Variants in CMSS1 observed in about 807,000 individuals in gnomAD.
CMSS1 encodes the protein protein CMSS1.
Under a neutral mutation model 43.5 loss-of-function variants are expected in CMSS1, and 33 were observed. That is an observed-to-expected ratio of 0.76 (90% CI 0.57 to 1.01). CMSS1 has a LOEUF of 1.01. Among genes scored for constraint, CMSS1 ranks in the 50% least tolerant of loss-of-function variants. CMSS1 has a pLI of 0.00. For synonymous variants in CMSS1, 115 were observed against 117.2 expected (o/e 0.98, Z 0.12); for missense variants, 313 against 326.4 (o/e 0.96, Z 0.32).
chr3:99,930,832 T>C (rs374817609), intron 1 of CMSS1: 2 of 1,612,800 alleles, frequency 1.2e-6, no homozygotes, highest in African/African-American at 2.7e-5. Flanking sequence ...GGTCTTCTGC[T>C]TGGTGGCCAT....
chr3:99,950,855 A>AAGAG, intron 1 of CMSS1, among the ~76,000 whole-genome samples: 2 of 150,214 alleles, frequency 1.3e-5, no homozygotes, highest in Middle Eastern at 3.4e-3. Context: ...AGTAAAAATA[A>AAGAG]AGAGAGAGAG....
At chr3:99,960,229 G>C (rs1559704331) in intron 1 of CMSS1, among the ~76,000 whole-genome samples, 1 of 152,126 alleles carries the variant, frequency 6.6e-6, no homozygotes. Flanking sequence ...TGTTTTTCTA[G>C]TTAGAGTAGC....
At chr3:99,943,936 A>G (rs1707928349) in intron 1 of CMSS1, among the ~76,000 whole-genome samples, 1 of 152,168 alleles carries the variant, frequency 6.6e-6, no homozygotes, top group Admixed American at 6.5e-5. Flanking sequence ...TATTGGGAGG[A>G]TTAGAGATGA....
chr3:99,879,607 T>C (rs1233780795), intron 1 of CMSS1, among the ~76,000 whole-genome samples: 1 of 152,220 alleles, frequency 6.6e-6, no homozygotes, highest in Non-Finnish European at 1.5e-5. Context: ...CAGTAATTAA[T>C]AGGATGTTTC....
At chr3:100,156,608 TTTTG>T (rs1290583585) in intron 2 of CMSS1, among the ~76,000 whole-genome samples, 2 of 149,620 alleles carry the variant, frequency 1.3e-5, no homozygotes, top group Non-Finnish European at 3.0e-5. Context: ...CGCGCAGCCT[TTTTG>T]TTTGTTTTTG....
At chr3:99,951,237 T>C (rs1165195258) in intron 1 of CMSS1, among the ~76,000 whole-genome samples, 2 of 152,192 alleles carry the variant, frequency 1.3e-5, no homozygotes, top group Non-Finnish European at 1.5e-5. Context: ...CCTGACTTCA[T>C]AACCACATTA....
intron 1 of CMSS1, among the ~76,000 whole-genome samples, chr3:100,117,079 C>T (rs993216421): frequency 4.5e-4 from 68 of 152,056 alleles, no homozygotes; most frequent in Admixed American, 4.3e-3. Context: ...GGGAAGAGTT[C>T]AATTATTTAT....
At chr3:99,997,721 C>G (rs968387333) in intron 1 of CMSS1, among the ~76,000 whole-genome samples, 1 of 152,122 alleles carries the variant, frequency 6.6e-6, no homozygotes, top group South Asian at 2.1e-4. Context: ...TAGTTTAAAA[C>G]TTTGTACACA....
intron 1 of CMSS1, among the ~76,000 whole-genome samples, chr3:99,918,348 C>G (rs1054147556): frequency 6.6e-6 from 1 of 152,170 alleles, no homozygotes; most frequent in Admixed American, 6.5e-5. Context: ...AGCTGCAGAT[C>G]AGGTCTGCAG....
At chr3:100,067,819 G>A (rs1035450428) in intron 1 of CMSS1, among the ~76,000 whole-genome samples, 2 of 152,078 alleles carry the variant, frequency 1.3e-5, no homozygotes, top group Non-Finnish European at 2.9e-5. Flanking sequence ...TTTCAAAGAG[G>A]CTTTAATGGC....
intron 1 of CMSS1, among the ~76,000 whole-genome samples, chr3:99,907,106 A>T (rs181399886): frequency 4.6e-5 from 7 of 152,244 alleles, no homozygotes; most frequent in African/African-American, 1.7e-4. Flanking sequence ...CAACAAATAC[A>T]CAGAGTTGGT....
intron 1 of CMSS1, among the ~76,000 whole-genome samples, chr3:99,927,191 C>T (rs1707319444): frequency 6.6e-6 from 1 of 152,148 alleles, no homozygotes; most frequent in African/African-American, 2.4e-5. Context: ...AAAACTTTCC[C>T]TATACATGAG....
intron 1 of CMSS1, among the ~76,000 whole-genome samples, chr3:99,938,705 T>C (rs1707767074): frequency 6.6e-6 from 1 of 152,130 alleles, no homozygotes; most frequent in African/African-American, 2.4e-5. Flanking sequence ...TTATGGTAAA[T>C]GTGATTCATC....
At chr3:100,056,801 G>A (rs186996993) in intron 1 of CMSS1, among the ~76,000 whole-genome samples, 14 of 151,584 alleles carry the variant, frequency 9.2e-5, no homozygotes, top group African/African-American at 2.4e-4. Flanking sequence ...TCAGGAGATC[G>A]AGACCATCCT....
At chr3:100,158,615 C>G (rs543112204) in intron 2 of CMSS1, among the ~76,000 whole-genome samples, 82 of 152,316 alleles carry the variant, frequency 5.4e-4, no homozygotes, top group African/African-American at 1.4e-3. Flanking sequence ...TCTCCAAAAC[C>G]AAAGATTATT....
intron 1 of CMSS1, among the ~76,000 whole-genome samples, chr3:100,141,018 G>C (rs987641288): frequency 6.6e-6 from 1 of 152,248 alleles, no homozygotes; most frequent in South Asian, 2.1e-4. Flanking sequence ...AGGCAAAAAT[G>C]AGAACCTAAT....
chr3:100,173,147 C>A (rs1001505523), intron 8 of CMSS1, among the ~76,000 whole-genome samples: 7 of 152,008 alleles, frequency 4.6e-5, no homozygotes, highest in African/African-American at 1.7e-4. Context: ...GGTCATTTGC[C>A]AGGGAGCAAC....
chr3:99,891,091 A>C (rs2107614528), intron 1 of CMSS1, among the ~76,000 whole-genome samples: 1 of 150,780 alleles, frequency 6.6e-6, no homozygotes, highest in African/African-American at 2.4e-5. Flanking sequence ...AGTTAGTATG[A>C]ATCTGCAAAT....
intron 1 of CMSS1, among the ~76,000 whole-genome samples, chr3:100,035,484 G>A (rs1399152234): frequency 1.3e-5 from 2 of 152,158 alleles, no homozygotes; most frequent in Admixed American, 6.5e-5. Context: ...TGTTGGCCAG[G>A]CTGGTCTCGA....
Sources: gnomAD v4.1 joint callset for allele counts (sites outside exome capture counted in the v4.1 genomes callset) on GRCh38, gnomAD v4.1.1 for gene constraint, MANE v1.5 for transcripts, NCBI Gene and HGNC (gene_info 2026-07-23, HGNC 2026-07-21) for gene names.